Variants in ADD3 observed in about 807,000 individuals in gnomAD.
ADD3 encodes the protein gamma-adducin.
A neutral mutation model predicts 80.2 loss-of-function variants in ADD3; 25 were observed. The ratio of observed to expected loss-of-function variants is 0.31; its 90% CI spans 0.23 to 0.44. The LOEUF is 0.44. ADD3 is among the 20% of genes least tolerant of loss of function. The pLI is 1.00. For missense variants in ADD3, 829 were observed against 847.5 expected (o/e 0.98, Z 0.27); for synonymous variants, 284 against 289.6 (o/e 0.98, Z 0.20).
intron 1 of ADD3, among the ~76,000 whole-genome samples, chr10:110,086,924 G>T (rs1248165728): frequency 6.6e-6 from 1 of 152,224 alleles, no homozygotes; most frequent in East Asian, 1.9e-4. Flanking sequence ...GCATGAACCT[G>T]CAAGATGTGG....
intron 1 of ADD3, among the ~76,000 whole-genome samples, chr10:110,066,792 T>C (rs1323167408): frequency 2.0e-5 from 3 of 152,190 alleles, no homozygotes; most frequent in Non-Finnish European, 4.4e-5. Flanking sequence ...TTATATTTCT[T>C]TGAGATATAA....
At chr10:110,111,423 A>T (rs1377807193) in intron 2 of ADD3, among the ~76,000 whole-genome samples, 1 of 152,202 alleles carries the variant, frequency 6.6e-6, no homozygotes, top group African/African-American at 2.4e-5. Context: ...ACTATTTGTG[A>T]TATGAAGGAT....
intron 1 of ADD3, among the ~76,000 whole-genome samples, chr10:110,038,332 C>G (rs1234014634): frequency 3.3e-5 from 5 of 152,138 alleles, no homozygotes; most frequent in African/African-American, 1.2e-4. Context: ...GAATTCTGCC[C>G]TGCATCTTGG....
chr10:110,040,954 GTCTC>G (rs1564879691), intron 1 of ADD3, among the ~76,000 whole-genome samples: 4 of 29,620 alleles, frequency 1.4e-4, no homozygotes, highest in East Asian at 2.6e-3. Flanking sequence ...CGCTCTCTCT[GTCTC>G]TCTCTGTCTC....
chr10:110,089,200 A>G (rs1393031519), intron 1 of ADD3, among the ~76,000 whole-genome samples: 1 of 152,044 alleles, frequency 6.6e-6, no homozygotes, highest in Non-Finnish European at 1.5e-5. Context: ...TTTTGCCTAG[A>G]AAGACTACCA....
intron 1 of ADD3, among the ~76,000 whole-genome samples, chr10:110,078,284 G>A (rs1845611006): frequency 6.6e-6 from 1 of 152,144 alleles, no homozygotes; most frequent in African/African-American, 2.4e-5. Context: ...ATTTAGGTTA[G>A]CCTCTTCTAA....
chr10:110,001,488 G>T (rs546767889), upstream of ADD3, among the ~76,000 whole-genome samples: 1 of 152,128 alleles, frequency 6.6e-6, no homozygotes, highest in Non-Finnish European at 1.5e-5. Flanking sequence ...AGCAGAAAAG[G>T]TGTAGCCAGT....
At chr10:110,051,522 AT>A (rs1314728718) in intron 1 of ADD3, among the ~76,000 whole-genome samples, 1 of 152,196 alleles carries the variant, frequency 6.6e-6, no homozygotes, top group Non-Finnish European at 1.5e-5. Flanking sequence ...GTTATAGGGA[AT>A]TTGCTAAATA....
intron 1 of ADD3, among the ~76,000 whole-genome samples, chr10:110,058,264 G>A (rs1010846289): frequency 6.6e-6 from 1 of 152,004 alleles, no homozygotes; most frequent in Non-Finnish European, 1.5e-5. Context: ...TTTTCTGTGT[G>A]ATGCAGTCAG....
chr10:110,056,860 A>C (rs1313851356), intron 1 of ADD3, among the ~76,000 whole-genome samples: 4 of 151,724 alleles, frequency 2.6e-5, no homozygotes, highest in Non-Finnish European at 5.9e-5. Context: ...CAAAGGAAAA[A>C]CCCTTTCTTT....
At chr10:110,039,223 C>G (rs992010194) in intron 1 of ADD3, among the ~76,000 whole-genome samples, 4 of 148,720 alleles carry the variant, frequency 2.7e-5, no homozygotes, top group Admixed American at 6.6e-5. Context: ...GCTTGCCCCA[C>G]TCAGTCAGTC....
rs535606172 is a variant in ADD3, at chr10:110,134,474, C to G, written c.*856C>G. 4.6e-5 allele frequency: 7 copies of G among 152,556 alleles called. No individual in the cohort carries two copies. The highest frequency in any genetic ancestry group is 4.6e-4 in the Admixed American group (7 of 15,278). 9.5% of individuals were successfully genotyped at this position (152,556 alleles called of 1,614,324 possible). ...GTATACTTAAATATAACTCCAGAAT[C>G]CAGGGACTTGGTGTTAAAACAGGAT... On this transcript the variant is annotated 3_prime_UTR_variant, in exon 15 of 15. Transcript: ENST00000356080.
intron 1 of ADD3, among the ~76,000 whole-genome samples, chr10:110,079,968 C>T (rs1478097096): frequency 2.6e-5 from 4 of 152,180 alleles, no homozygotes; most frequent in African/African-American, 7.2e-5. Flanking sequence ...CTCCATCAGA[C>T]GTACTTATGC....
intron 1 of ADD3, among the ~76,000 whole-genome samples, chr10:110,078,329 T>C (rs1028924651): frequency 2.6e-5 from 4 of 152,224 alleles, no homozygotes; most frequent in Non-Finnish European, 5.9e-5. Flanking sequence ...TAATTTTCTT[T>C]GTAAAGACAC....
intron 1 of ADD3, among the ~76,000 whole-genome samples, chr10:110,097,139 C>T (rs1275254649): frequency 1.3e-5 from 2 of 152,088 alleles, no homozygotes; most frequent in Non-Finnish European, 2.9e-5. Context: ...ATGTTACTAC[C>T]TCTGTTACTT....
chr10:110,050,340 T>G (rs1019092862), intron 1 of ADD3, among the ~76,000 whole-genome samples: 1 of 151,990 alleles, frequency 6.6e-6, no homozygotes. Context: ...TCCATACTAT[T>G]CTTATGGTAG....
chr10:110,008,940 G>T (rs1851989860), intron 1 of ADD3, among the ~76,000 whole-genome samples: 1 of 152,122 alleles, frequency 6.6e-6, no homozygotes, highest in Non-Finnish European at 1.5e-5. Context: ...TTGGCAGCAG[G>T]TCTGGTGTGC....
intron 1 of ADD3, among the ~76,000 whole-genome samples, chr10:110,056,079 A>G (rs1360937333): frequency 6.6e-6 from 1 of 152,218 alleles, no homozygotes; most frequent in Non-Finnish European, 1.5e-5. Context: ...GATTTTTATA[A>G]GTCAGCAAAG....
At chr10:110,043,080 C>G (rs768764100) in intron 1 of ADD3, among the ~76,000 whole-genome samples, 2 of 152,186 alleles carry the variant, frequency 1.3e-5, no homozygotes, top group African/African-American at 2.4e-5. Flanking sequence ...TGAAAACTTA[C>G]TTGCAGGCTG....
Sources: allele counts gnomAD v4.1 joint callset (sites outside exome capture counted in the v4.1 genomes callset), GRCh38; gene constraint gnomAD v4.1.1; transcripts MANE v1.5; gene names NCBI Gene and HGNC (gene_info 2026-07-23, HGNC 2026-07-21).